PID1: variants seen among roughly 807,000 people sequenced by gnomAD.
The protein encoded by PID1 is phosphotyrosine interaction domain containing 1.
PID1 carries 10 observed loss-of-function variants against 19.1 expected under a neutral mutation model. The observed-to-expected ratio is 0.52, with a 90% CI of 0.32 to 0.89. The LOEUF is 0.89. Ranked by LOEUF, PID1 falls within the 40% of genes least tolerant of loss-of-function variation. The probability of loss-of-function intolerance (pLI) is 0.03; values close to 1 mark genes in which losing one functional copy is unlikely to be tolerated. For synonymous variants in PID1, 130 were observed against 116.0 expected, an observed-to-expected ratio of 1.12 and a Z score of -0.78; for missense variants, 248 against 285.3, an observed-to-expected ratio of 0.87 and a Z score of 0.94.
intron 1 of PID1, among the ~76,000 whole-genome samples, chr2:229,259,141 G>A (rs1195023720): frequency 6.8e-6 from 1 of 146,240 alleles, no homozygotes; most frequent in African/African-American, 2.5e-5. Context: ...AATGACTAAT[G>A]ACATTGAACA....
intron 2 of PID1, among the ~76,000 whole-genome samples, chr2:229,141,363 T>C (rs1690007379): frequency 6.6e-6 from 1 of 151,978 alleles, no homozygotes; most frequent in Non-Finnish European, 1.5e-5. Flanking sequence ...AAAAAGACTT[T>C]AGGAAATCTC....
intron 2 of PID1, among the ~76,000 whole-genome samples, chr2:229,054,166 A>C (rs544739385): frequency 6.6e-6 from 1 of 152,240 alleles, no homozygotes. Context: ...GCAAGAAAGC[A>C]GGTAATTAAG....
intron 2 of PID1, among the ~76,000 whole-genome samples, chr2:229,106,589 CT>C (rs1348303746): frequency 2.0e-5 from 3 of 152,186 alleles, no homozygotes; most frequent in Non-Finnish European, 4.4e-5. Flanking sequence ...CTTGAGGGAA[CT>C]TGCTCACCCC....
chr2:229,111,115 T>G (rs1207516020), intron 2 of PID1, among the ~76,000 whole-genome samples: 1 of 152,198 alleles, frequency 6.6e-6, no homozygotes, highest in Non-Finnish European at 1.5e-5. Flanking sequence ...GCCTTTTGCC[T>G]TCCACCATGA....
At chr2:229,176,527 G>T (rs1485652821) in intron 1 of PID1, among the ~76,000 whole-genome samples, 1 of 152,186 alleles carries the variant, frequency 6.6e-6, no homozygotes, top group Non-Finnish European at 1.5e-5. Flanking sequence ...AAAAATACAA[G>T]ATCTTTTCCT....
chr2:229,230,226 T>C (rs566383769), intron 1 of PID1, among the ~76,000 whole-genome samples: 2 of 152,316 alleles, frequency 1.3e-5, no homozygotes, highest in East Asian at 3.9e-4. Context: ...TAAATAAAGG[T>C]GTTCAGAACT....
At chr2:229,218,922 G>A (rs1691907542) in intron 1 of PID1, among the ~76,000 whole-genome samples, 1 of 152,234 alleles carries the variant, frequency 6.6e-6, no homozygotes, top group South Asian at 2.1e-4. Flanking sequence ...TCCTTTCTTT[G>A]TAGACCCTCT....
intron 1 of PID1, among the ~76,000 whole-genome samples, chr2:229,209,682 C>A (rs1691685372): frequency 6.6e-6 from 1 of 152,200 alleles, no homozygotes; most frequent in African/African-American, 2.4e-5. Flanking sequence ...AGCCTGGAAT[C>A]CTCTGGCTTT....
chr2:229,256,066 G>C (rs753395212), intron 1 of PID1, among the ~76,000 whole-genome samples: 44 of 152,172 alleles, frequency 2.9e-4, no homozygotes, highest in Non-Finnish European at 4.4e-4. Context: ...GTGAACTTGA[G>C]AGGCAGCTTT....
intron 2 of PID1, among the ~76,000 whole-genome samples, chr2:229,062,365 T>A (rs1201398153): frequency 6.6e-6 from 1 of 152,058 alleles, no homozygotes; most frequent in Non-Finnish European, 1.5e-5. Context: ...TGTCCTTCAT[T>A]TTGTTAATAT....
At chr2:229,170,832 C>T (rs1269703556) in intron 1 of PID1, among the ~76,000 whole-genome samples, 1 of 152,180 alleles carries the variant, frequency 6.6e-6, no homozygotes, top group East Asian at 1.9e-4. Context: ...AGAAACAGCC[C>T]TGAGTGCTTA....
intron 2 of PID1, among the ~76,000 whole-genome samples, chr2:229,066,904 T>C (rs1159866130): frequency 7.9e-5 from 12 of 152,136 alleles, no homozygotes. Flanking sequence ...TCTAACTCCA[T>C]AGGAACAGAT....
chr2:229,199,436 G>A (rs1691444797), intron 1 of PID1, among the ~76,000 whole-genome samples: 1 of 151,962 alleles, frequency 6.6e-6, no homozygotes, highest in Admixed American at 6.6e-5. Flanking sequence ...ACCACAGTTG[G>A]ATGGGTACCA....
intron 2 of PID1, among the ~76,000 whole-genome samples, chr2:229,092,326 T>C (rs766674550): frequency 2.5e-4 from 38 of 152,128 alleles, no homozygotes; most frequent in Admixed American, 5.2e-4. Flanking sequence ...CACTTGAGCA[T>C]AGAGAGCACT....
In PID1 at chr2:229,074,661, T is replaced by G. The variant is rs3845825; in HGVS notation, c.178-48553A>C. ...AAGACACTTATCTATATTTAAATAG[T>G]TTAGGTAGAAATGAGTTAATTAGCC... On this transcript the variant is annotated intron_variant, in intron 2 of 2. Coordinates refer to ENST00000392055, the MANE Select transcript of PID1 (RefSeq NM_001100818.2). 3.3e-3 allele frequency among the ~76,000 whole-genome samples: 497 copies of G among 152,310 alleles called. 2 individuals are homozygous for G. Among genetic ancestry groups the G allele is most frequent in the Non-Finnish European group, 4.3e-3 (291 of 68,010 alleles).
intron 2 of PID1, among the ~76,000 whole-genome samples, chr2:229,130,563 A>T (rs1689713385): frequency 6.6e-6 from 1 of 152,242 alleles, no homozygotes; most frequent in Admixed American, 6.5e-5. Flanking sequence ...GGAAACTCGT[A>T]GGCTTGTCAG....
intron 1 of PID1, among the ~76,000 whole-genome samples, chr2:229,186,185 T>A (rs184752839): frequency 6.6e-6 from 1 of 152,262 alleles, no homozygotes; most frequent in Admixed American, 6.5e-5. Context: ...AAAGGTGAGT[T>A]CCTATGGTCT....
At chr2:229,100,142 T>C (rs1365299905) in intron 2 of PID1, among the ~76,000 whole-genome samples, 1 of 152,204 alleles carries the variant, frequency 6.6e-6, no homozygotes, top group Non-Finnish European at 1.5e-5. Flanking sequence ...GCCAGCACCT[T>C]GATCTTGGAC....
chr2:229,177,358 A>G (rs1417046084), intron 1 of PID1, among the ~76,000 whole-genome samples: 2 of 152,226 alleles, frequency 1.3e-5, no homozygotes, highest in Non-Finnish European at 2.9e-5. Flanking sequence ...GGGTAAAATA[A>G]GTAGAACAGG....
Sources: allele counts gnomAD v4.1 joint callset (sites outside exome capture counted in the v4.1 genomes callset), GRCh38; gene constraint gnomAD v4.1.1; transcripts MANE v1.5; gene names NCBI Gene and HGNC (gene_info 2026-07-23, HGNC 2026-07-21).